Variants in SETBP1 observed in about 807,000 individuals in gnomAD.
SETBP1 encodes the protein SET binding protein 1, also known as SET-binding protein.
Under a neutral mutation model 101.0 loss-of-function variants are expected in SETBP1, and 9 were observed. That is an observed-to-expected ratio of 0.09 (90% confidence interval 0.05 to 0.16). The LOEUF (loss-of-function observed/expected upper bound fraction) is 0.16. SETBP1 is among the 10% of genes least tolerant of loss of function. The probability of loss-of-function intolerance (pLI) is 1.00; values close to 1 mark genes in which losing one functional copy is unlikely to be tolerated. For synonymous variants in SETBP1, 818 were observed against 788.5 expected (o/e 1.04, Z -0.63); for missense variants, 1,858 against 2,033.8 (o/e 0.91, Z 1.66).
At chr18:44,822,894 G>A (rs62090599) in intron 2 of SETBP1, among the ~76,000 whole-genome samples, 1 of 152,170 alleles carries the variant, frequency 6.6e-6, no homozygotes, top group Non-Finnish European at 1.5e-5. Flanking sequence ...GCTCACACCT[G>A]TACTTTGGGA....
At chr18:44,997,007 T>A (rs556062301) in intron 4 of SETBP1, among the ~76,000 whole-genome samples, 61 of 152,086 alleles carry the variant, frequency 4.0e-4, no homozygotes, top group African/African-American at 1.4e-3. Context: ...GAAGATCAGA[T>A]GAGAAAGAGG....
chr18:45,054,641 T>C (rs920593237), intron 5 of SETBP1, among the ~76,000 whole-genome samples: 1 of 152,236 alleles, frequency 6.6e-6, no homozygotes. Context: ...TTCTCTTATT[T>C]CTGAGGTCTC....
In SETBP1 at chr18:44,781,130, A is replaced by C. The variant is rs148994077; in HGVS notation, c.486+79298A>C. On this transcript the variant is annotated intron_variant, in intron 2 of 5. Transcript: ENST00000649279. ...TACAGGGTATGAAGGAGTGCATGTTAGGTAGGGGTCTTCCCAACCCTCTGA... is the reference window on the plus strand; with the variant it reads ...TACAGGGTATGAAGGAGTGCATGTTCGGTAGGGGTCTTCCCAACCCTCTGA... Among the ~76,000 whole-genome samples, 338 of 152,266 alleles carry C rather than the reference A, an allele frequency of 2.2e-3. 2 individuals are homozygous for C. Among genetic ancestry groups the C allele is most frequent in the African/African-American group, 7.7e-3 (320 of 41,540 alleles).
intron 2 of SETBP1, among the ~76,000 whole-genome samples, chr18:44,760,977 C>G (rs2070627381): frequency 6.6e-6 from 1 of 152,128 alleles, no homozygotes; most frequent in Admixed American, 6.5e-5. Flanking sequence ...TAATGTCTTT[C>G]ATATTGAAAT....
At chr18:44,880,323 G>A (rs1352106159) in intron 3 of SETBP1, among the ~76,000 whole-genome samples, 1 of 152,170 alleles carries the variant, frequency 6.6e-6, no homozygotes, top group Non-Finnish European at 1.5e-5. Context: ...CCAGCAAATA[G>A]TCCATTGTTG....
chr18:45,011,272 G>A (rs1392302229), intron 4 of SETBP1, among the ~76,000 whole-genome samples: 1 of 152,116 alleles, frequency 6.6e-6, no homozygotes, highest in African/African-American at 2.4e-5. Flanking sequence ...GACCTGAGAT[G>A]GGCCCCCCGA....
intron 2 of SETBP1, among the ~76,000 whole-genome samples, chr18:44,806,880 GT>G (rs1168082521): frequency 2.6e-5 from 4 of 151,740 alleles, no homozygotes; most frequent in Non-Finnish European, 5.9e-5. Context: ...TTAGGACTCA[GT>G]TTCCCTCCTG....
At chr18:44,840,979 T>A (rs1182489440) in intron 2 of SETBP1, among the ~76,000 whole-genome samples, 1 of 152,240 alleles carries the variant, frequency 6.6e-6, no homozygotes, top group Non-Finnish European at 1.5e-5. Flanking sequence ...GTAAGGAAAC[T>A]GATACCTAGA....
intron 3 of SETBP1, among the ~76,000 whole-genome samples, chr18:44,900,860 A>G (rs553959425): frequency 6.6e-5 from 10 of 152,270 alleles, no homozygotes; most frequent in Non-Finnish European, 4.4e-5. Context: ...TGGGTTGAGT[A>G]ATTGCCCAAG....
chr18:44,988,639 G>A (rs1279530955), intron 4 of SETBP1: 1 of 151,976 alleles, frequency 6.6e-6, no homozygotes, highest in Non-Finnish European at 1.5e-5. Context: ...CAGACTGTTT[G>A]GTTTATTTGG....
At chr18:44,759,411 T>C (rs1057108580) in intron 2 of SETBP1, among the ~76,000 whole-genome samples, 1 of 152,214 alleles carries the variant, frequency 6.6e-6, no homozygotes, top group African/African-American at 2.4e-5. Flanking sequence ...TTATCTAAAC[T>C]GAAAGAGCTT....
At chr18:44,908,154 G>A (rs1294282761) in intron 3 of SETBP1, among the ~76,000 whole-genome samples, 10 of 151,774 alleles carry the variant, frequency 6.6e-5, no homozygotes, top group African/African-American at 2.2e-4. Context: ...TCCGCCTCCC[G>A]GGTTCAAGTG....
intron 4 of SETBP1, among the ~76,000 whole-genome samples, chr18:44,962,254 T>A (rs933547483): frequency 4.6e-5 from 7 of 151,852 alleles, no homozygotes; most frequent in African/African-American, 1.5e-4. Context: ...GCTTGGAGAG[T>A]AGGTTCACAG....
At position 44,731,653 on chromosome 18, in the gene SETBP1, C is replaced by T. The variant is rs183405353; in HGVS notation, c.486+29821C>T. ...CTTTACACACACACACACACACACA[C>T]GCGCACGCACACACACACACATATC... is the stretch of plus-strand genomic sequence containing the variant. On this transcript the variant is annotated intron_variant, in intron 2 of 5. Transcript: ENST00000649279. Among the ~76,000 whole-genome samples the T allele has an allele frequency of 9.9e-4, 150 of 151,456 alleles. 1 individual carries two copies. The highest frequency in any genetic ancestry group is 4.5e-3 in the Admixed American group (68 of 15,276).
chr18:44,877,317 C>A, intron 3 of SETBP1: 1 of 792,530 alleles, frequency 1.3e-6, no homozygotes, highest in Non-Finnish European at 1.5e-6. Context: ...GGATTAAGGA[C>A]AAAGTATCTG....
At chr18:45,058,906 C>T (rs1568056145) in intron 5 of SETBP1, among the ~76,000 whole-genome samples, 1 of 152,164 alleles carries the variant, frequency 6.6e-6, no homozygotes, top group Non-Finnish European at 1.5e-5. Flanking sequence ...CAGCTACAAG[C>T]TAAGCCTTCT....
chr18:44,999,447 C>T (rs768001165), intron 4 of SETBP1, among the ~76,000 whole-genome samples: 2 of 152,208 alleles, frequency 1.3e-5, no homozygotes, highest in African/African-American at 2.4e-5. Context: ...ATGCAGTGTG[C>T]GTGATGGGAA....
chr18:45,046,670 A>T (rs2073619521), intron 5 of SETBP1, among the ~76,000 whole-genome samples: 1 of 152,192 alleles, frequency 6.6e-6, no homozygotes, highest in Non-Finnish European at 1.5e-5. Context: ...GCAGTACTTT[A>T]ATTATTTTGT....
intron 3 of SETBP1, among the ~76,000 whole-genome samples, chr18:44,894,606 C>A (rs928802543): frequency 6.6e-6 from 1 of 151,942 alleles, no homozygotes; most frequent in African/African-American, 2.4e-5. Flanking sequence ...TGATATGTAT[C>A]TGAATATGAT....
Sources: allele counts gnomAD v4.1 joint callset (sites outside exome capture counted in the v4.1 genomes callset), GRCh38; gene constraint gnomAD v4.1.1; transcripts MANE v1.5; gene names NCBI Gene and HGNC (gene_info 2026-07-23, HGNC 2026-07-21).